Variants in GPBP1L1 observed in about 807,000 individuals in gnomAD.
The protein encoded by GPBP1L1 is GC-rich promoter binding protein 1 like 1.
In GPBP1L1, 23 loss-of-function variants were observed where a neutral mutation model predicts 52.5. That is an observed-to-expected ratio of 0.44 (90% confidence interval 0.32 to 0.62). The LOEUF is 0.62. Among genes scored for constraint, GPBP1L1 ranks in the 20% least tolerant of loss-of-function variants. The pLI, the probability that GPBP1L1 is intolerant of heterozygous loss-of-function variation, is 0.06. For missense variants in GPBP1L1, 596 were observed against 579.3 expected (o/e 1.03, Z -0.30); for synonymous variants, 243 against 203.1 (o/e 1.20, Z -1.67).
At chr1:45,662,872 G>A (rs999942864) in intron 2 of GPBP1L1, among the ~76,000 whole-genome samples, 1 of 151,986 alleles carries the variant, frequency 6.6e-6, no homozygotes, top group African/African-American at 2.4e-5. Context: ...CCAACATGGT[G>A]AAACCCCGTC....
At chr1:45,632,472 T>C (rs951792357) in intron 10 of GPBP1L1, among the ~76,000 whole-genome samples, 1 of 152,090 alleles carries the variant, frequency 6.6e-6, no homozygotes, top group Non-Finnish European at 1.5e-5. Context: ...TCCTAGCACT[T>C]TGGGAGGCTG....
chr1:45,669,766 G>A (rs1645052847), intron 2 of GPBP1L1, among the ~76,000 whole-genome samples: 1 of 152,118 alleles, frequency 6.6e-6, no homozygotes, highest in South Asian at 2.1e-4. Flanking sequence ...AATTTTTGAT[G>A]GATTGTGAAG....
chr1:45,646,146 C>T (rs1644742664), intron 6 of GPBP1L1: 3 of 384,732 alleles, frequency 7.8e-6, no homozygotes, highest in South Asian at 4.0e-5. Context: ...CCTCTCTTTT[C>T]GGCATTGGTG....
rs532400134 is a variant in GPBP1L1, at chr1:45,660,459, G to T, written c.-331C>A. The T allele has an allele frequency of 1.0e-5, 10 of 981,614 alleles. No individual in the cohort carries two copies. The highest frequency in any genetic ancestry group is 8.8e-5 in the African/African-American group (5 of 57,088). 60.8% of individuals were successfully genotyped at this position (981,614 alleles called of 1,614,324 possible). A position where few individuals can be genotyped will look rare whatever the true frequency, so the allele number is the denominator to read the frequency against. On this transcript the variant is annotated 5_prime_UTR_variant, in exon 3 of 13. Transcript: ENST00000355105. The stretch of plus-strand genomic sequence containing the variant: ...AAAAGTATTTGTTACATTTAAAAAG[G>T]GGGGGAAGGGGAAAGAGCTGTATCT...
At chr1:45,658,709 C>T in intron 4 of GPBP1L1, 1 of 313,498 alleles carries the variant, frequency 3.2e-6, no homozygotes. Flanking sequence ...GTAGGCGGAT[C>T]ACTTGAGCTT....
intron 2 of GPBP1L1, among the ~76,000 whole-genome samples, chr1:45,685,040 T>C (rs571028483): frequency 1.3e-5 from 2 of 152,134 alleles, no homozygotes; most frequent in Non-Finnish European, 2.9e-5. Flanking sequence ...CTATGACTTT[T>C]TGTTTAAACT....
At chr1:45,653,394 C>T (rs974488224) in intron 6 of GPBP1L1, among the ~76,000 whole-genome samples, 2 of 152,022 alleles carry the variant, frequency 1.3e-5, no homozygotes, top group African/African-American at 4.8e-5. Flanking sequence ...ATTAGCTGGG[C>T]GTGGTGGCAT....
intron 2 of GPBP1L1, among the ~76,000 whole-genome samples, chr1:45,667,871 C>A (rs1272726977): frequency 6.6e-6 from 1 of 152,076 alleles, no homozygotes; most frequent in East Asian, 1.9e-4. Flanking sequence ...CCTCAGCCTC[C>A]CGAACAGCTG....
In GPBP1L1 at chr1:45,680,639, T is replaced by C. The variant is rs144998055; in HGVS notation, c.-1098+4937A>G. ...CCAATGCAAATATTAATTTTTAAGT[T>C]AGAATAGCAAATTCTGGACCTAGAT... On this transcript the variant is annotated intron_variant, in intron 2 of 12. Coordinates refer to ENST00000355105, the MANE Select transcript of GPBP1L1 (RefSeq NM_021639.5). Among the ~76,000 whole-genome samples, 443 of 152,278 alleles carry C rather than the reference T, an allele frequency of 2.9e-3. 2 individuals carry two copies. The highest frequency in any genetic ancestry group is 0.01 in the African/African-American group (417 of 41,544).
At chr1:45,651,315 C>G in intron 6 of GPBP1L1, 1 of 383,862 alleles carries the variant, frequency 2.6e-6, no homozygotes, top group Non-Finnish European at 5.0e-6. Flanking sequence ...CGACACAGGG[C>G]AGGTAGGAAG....
In GPBP1L1 at chr1:45,660,929, T is replaced by C. The variant is rs1644940314; in HGVS notation, c.-801A>G. The C allele has an allele frequency of 6.6e-6, 1 of 152,228 alleles. No individual in the cohort carries two copies. The highest frequency in any genetic ancestry group is 2.4e-5 in the African/African-American group (1 of 41,458). The allele number at this position is 152,228 out of a possible 1,614,324, so 9.4% of individuals were successfully genotyped here. On this transcript the variant is annotated 5_prime_UTR_variant, in exon 3 of 13. Transcript: ENST00000355105. ...AATTTCTTGGTATAAAGCTACTAAA[T>C]GTATATTCTATGTCTTTGGCCTTTA...
rs74577857 is a variant in GPBP1L1, at chr1:45,654,960, C to T, written c.191-131G>A. 4.0e-3 allele frequency: 4,210 copies of T among 1,041,820 alleles called. 55 individuals are homozygous for T. The highest frequency in any genetic ancestry group is 0.037 in the East Asian group (1,421 of 38,308). 64.5% of individuals were successfully genotyped at this position (1,041,820 alleles called of 1,614,324 possible). ...AAAAAAATAAAAAAATGTATCTTTT[C>T]TTTGTGAGGTAATTTCTGAAATCAG... On this transcript the variant is annotated intron_variant, in intron 5 of 12. Transcript: ENST00000355105.
At chr1:45,637,304 T>C (rs952836629) in intron 8 of GPBP1L1, among the ~76,000 whole-genome samples, 1 of 152,162 alleles carries the variant, frequency 6.6e-6, no homozygotes, top group African/African-American at 2.4e-5. Flanking sequence ...TTATCTTACC[T>C]CTTCCTCCCT....
At chr1:45,642,581 C>T (rs1040931345) in intron 6 of GPBP1L1, 82 bp from the exon 7 acceptor site, 3 of 941,656 alleles carry the variant, frequency 3.2e-6, no homozygotes, top group African/African-American at 3.3e-5. Context: ...CACCATGGAA[C>T]CTATCAAATA....
At chr1:45,671,763 G>A (rs974891615) in intron 2 of GPBP1L1, among the ~76,000 whole-genome samples, 8 of 152,224 alleles carry the variant, frequency 5.3e-5, no homozygotes, top group South Asian at 2.1e-4. Flanking sequence ...AGCTGAGGCC[G>A]CAGTGAGCAG....
intron 12 of GPBP1L1, 120 bp from the exon 13 acceptor site, chr1:45,628,528 G>T: frequency 1.3e-6 from 1 of 798,520 alleles, no homozygotes; most frequent in Non-Finnish European, 1.9e-6. Flanking sequence ...GGCGGGGGGT[G>T]CTTCTAAGAG....
chr1:45,660,074 C>T, intron 3 of GPBP1L1, 110 bp downstream of exon 3: 1 of 581,400 alleles, frequency 1.7e-6, no homozygotes, highest in African/African-American at 2.0e-5. Flanking sequence ...GTCTTCAAAC[C>T]ACCCCACTGA....
intron 2 of GPBP1L1, among the ~76,000 whole-genome samples, chr1:45,675,064 C>T (rs952919724): frequency 1.3e-5 from 2 of 151,976 alleles, no homozygotes; most frequent in Non-Finnish European, 2.9e-5. Context: ...ATTGGGAGGC[C>T]GAGGTGGGCA....
chr1:45,633,337 T>G (rs1218087477), intron 10 of GPBP1L1, 152 bp downstream of exon 10: 2 of 703,146 alleles, frequency 2.8e-6, no homozygotes, highest in Non-Finnish European at 4.7e-6. Context: ...TAAACTCACT[T>G]TACTATGTGG....
Sources: gnomAD v4.1 joint callset for allele counts (sites outside exome capture counted in the v4.1 genomes callset) on GRCh38, gnomAD v4.1.1 for gene constraint, MANE v1.5 for transcripts, NCBI Gene and HGNC (gene_info 2026-07-23, HGNC 2026-07-21) for gene names.